Variants in LMX1A observed in about 807,000 individuals in gnomAD.
The protein encoded by LMX1A is LIM homeobox transcription factor 1-alpha.
LMX1A carries 15 observed loss-of-function variants against 49.1 expected under a neutral mutation model. That is an observed-to-expected ratio of 0.31 (90% CI 0.20 to 0.47). The LOEUF (loss-of-function observed/expected upper bound fraction) is 0.47. LMX1A is among the 20% of genes least tolerant of loss of function. LMX1A has a pLI of 1.00. For synonymous variants in LMX1A, 167 were observed against 185.7 expected, an observed-to-expected ratio of 0.90 and a Z score of 0.82; for missense variants, 372 against 475.8, an observed-to-expected ratio of 0.78 and a Z score of 2.03.
intron 3 of LMX1A, among the ~76,000 whole-genome samples, chr1:165,260,446 C>CCAAAG (rs1459837077): frequency 6.6e-6 from 1 of 151,960 alleles, no homozygotes; most frequent in Non-Finnish European, 1.5e-5. Context: ...GCAAGCCACA[C>CCAAAG]CAAACTCTCC....
intron 4 of LMX1A, among the ~76,000 whole-genome samples, chr1:165,245,631 CAAA>C (rs10708273): frequency 4.2e-5 from 6 of 142,856 alleles, no homozygotes; most frequent in Non-Finnish European, 3.1e-5. Context: ...CTGACCAGGG[CAAA>C]AAAAAAAAAA....
At chr1:165,353,653 A>T (rs12125353) in intron 2 of LMX1A, among the ~76,000 whole-genome samples, 22,243 of 152,198 alleles carry the variant, frequency 0.15, 1,838 homozygotes, top group Non-Finnish European at 0.19. Flanking sequence ...TGACTGTTTT[A>T]AAAACTGAGA....
chr1:165,256,380 A>T (rs1653243321), intron 3 of LMX1A, among the ~76,000 whole-genome samples: 1 of 152,114 alleles, frequency 6.6e-6, no homozygotes, highest in Admixed American at 6.5e-5. Flanking sequence ...GTTCTGTCCT[A>T]GATCAGAGTT....
At chr1:165,291,514 A>G in intron 3 of LMX1A, among the ~76,000 whole-genome samples, 1 of 152,214 alleles carries the variant, frequency 6.6e-6, no homozygotes, top group East Asian at 1.9e-4. Flanking sequence ...ATGTCTAATC[A>G]TCTATGACTC....
intron 3 of LMX1A, among the ~76,000 whole-genome samples, chr1:165,274,143 TG>T (rs1406106049): frequency 6.6e-6 from 1 of 152,216 alleles, no homozygotes; most frequent in African/African-American, 2.4e-5. Context: ...AGTGCACACC[TG>T]CCTGGGTTTC....
At chr1:165,247,435 G>A (rs542233314) in intron 4 of LMX1A, among the ~76,000 whole-genome samples, 2 of 152,204 alleles carry the variant, frequency 1.3e-5, no homozygotes, top group South Asian at 4.2e-4. Flanking sequence ...TATACCAAGT[G>A]TATACCCATT....
intron 4 of LMX1A, among the ~76,000 whole-genome samples, chr1:165,217,103 G>A (rs1175085697): frequency 2.0e-5 from 3 of 152,180 alleles, no homozygotes; most frequent in African/African-American, 2.4e-5. Flanking sequence ...GTTTTACACT[G>A]CAGGTGTTCA....
At chr1:165,256,850 A>G (rs1653258524) in intron 3 of LMX1A, among the ~76,000 whole-genome samples, 2 of 152,040 alleles carry the variant, frequency 1.3e-5, no homozygotes, top group South Asian at 2.1e-4. Context: ...ACAAAGAAGC[A>G]CTGAATTTCG....
chr1:165,285,896 T>A (rs1434880382), intron 3 of LMX1A, among the ~76,000 whole-genome samples: 1 of 152,202 alleles, frequency 6.6e-6, no homozygotes, highest in African/African-American at 2.4e-5. Context: ...GTGACACTGC[T>A]CCCTGGTGTT....
intron 3 of LMX1A, among the ~76,000 whole-genome samples, chr1:165,329,272 G>A (rs1042738999): frequency 1.3e-5 from 2 of 152,162 alleles, no homozygotes; most frequent in Non-Finnish European, 2.9e-5. Context: ...CCATGATCCG[G>A]TCACCTCCCA....
At chr1:165,216,326 G>A (rs1651641282) in intron 4 of LMX1A, among the ~76,000 whole-genome samples, 1 of 152,222 alleles carries the variant, frequency 6.6e-6, no homozygotes, top group Non-Finnish European at 1.5e-5. Flanking sequence ...GCCCTGGATA[G>A]ACCCTATTGA....
intron 8 of LMX1A, 138 bp from the exon 9 acceptor site, chr1:165,204,178 C>T (rs1467909722): frequency 4.7e-6 from 4 of 846,912 alleles, no homozygotes; most frequent in Non-Finnish European, 7.2e-6. Context: ...TCTATATTCT[C>T]TTTAGGGGGC....
intron 4 of LMX1A, among the ~76,000 whole-genome samples, chr1:165,239,966 G>A (rs1652588363): frequency 6.6e-6 from 1 of 152,164 alleles, no homozygotes; most frequent in African/African-American, 2.4e-5. Context: ...CAAAACGTGG[G>A]AATAGGTTTG....
chr1:165,213,508 C>T (rs572568898), intron 5 of LMX1A, 133 bp downstream of exon 5: 43 of 802,578 alleles, frequency 5.4e-5, no homozygotes, highest in African/African-American at 4.3e-4. Context: ...AGGCTTGAGC[C>T]GCCTGTGCAG....
At chr1:165,327,852 T>C (rs762114326) in intron 3 of LMX1A, among the ~76,000 whole-genome samples, 9 of 152,240 alleles carry the variant, frequency 5.9e-5, no homozygotes, top group Non-Finnish European at 1.3e-4. Context: ...CAGCATTGTG[T>C]CCATTGTAAA....
At chr1:165,295,614 A>G (rs1654594413) in intron 3 of LMX1A, among the ~76,000 whole-genome samples, 1 of 152,092 alleles carries the variant, frequency 6.6e-6, no homozygotes, top group Non-Finnish European at 1.5e-5. Flanking sequence ...AAATCAAAGT[A>G]CATGATCAGT....
chr1:165,321,665 C>T (rs1655389075), intron 3 of LMX1A, among the ~76,000 whole-genome samples: 1 of 152,110 alleles, frequency 6.6e-6, no homozygotes, highest in South Asian at 2.1e-4. Flanking sequence ...AAAACTCTTA[C>T]TAGAAAATAT....
At chr1:165,279,851 G>C (rs1284091661) in intron 3 of LMX1A, among the ~76,000 whole-genome samples, 1 of 152,076 alleles carries the variant, frequency 6.6e-6, no homozygotes, top group African/African-American at 2.4e-5. Context: ...TGAGAGAGTC[G>C]TTTACATGAC....
At chr1:165,209,210 G>A (rs1319029679) in intron 6 of LMX1A, among the ~76,000 whole-genome samples, 1 of 152,190 alleles carries the variant, frequency 6.6e-6, no homozygotes, top group African/African-American at 2.4e-5. Flanking sequence ...GCCCTGTTCT[G>A]AGGATGTCAG....
Sources: allele counts gnomAD v4.1 joint callset (sites outside exome capture counted in the v4.1 genomes callset), GRCh38; gene constraint gnomAD v4.1.1; transcripts MANE v1.5; gene names NCBI Gene and HGNC (gene_info 2026-07-23, HGNC 2026-07-21).